Variants in GPC5 observed in about 807,000 individuals in gnomAD.
The protein encoded by GPC5 is glypican 5.
GPC5 carries 47 observed loss-of-function variants against 53.9 expected under a neutral mutation model. The observed-to-expected ratio is 0.87, with a 90% CI of 0.69 to 1.11. The LOEUF is 1.11. Ranked by LOEUF, GPC5 falls within the 50% of genes most tolerant of loss-of-function variation. The pLI is 0.00. For missense variants in GPC5, 748 were observed against 713.1 expected (o/e 1.05, Z -0.56); for synonymous variants, 286 against 263.3 (o/e 1.09, Z -0.84).
intron 7 of GPC5, among the ~76,000 whole-genome samples, chr13:92,482,836 T>C (rs9561069): frequency 0.59 from 89,772 of 151,906 alleles, 27,169 homozygotes; most frequent in East Asian, 0.75. Flanking sequence ...TATGCCATGC[T>C]TAATGATGGG....
rs377457758 is a variant in GPC5 at position 92,516,894 on chromosome 13, G to A, written c.1562-349388G>A. Among the ~76,000 whole-genome samples, 21 of 152,276 alleles carry A rather than the reference G, an allele frequency of 1.4e-4. No individual in the cohort carries two copies. The East Asian group carries it at 3.9e-3, about 28-fold the overall frequency. ...GCAGGGTGAGGCATCACTTCACCTG[G>A]GAAGCACAAGGGGTCAGGGAATTCC... On this transcript the variant is annotated intron_variant, in intron 7 of 7. Transcript: ENST00000377067.
intron 2 of GPC5, among the ~76,000 whole-genome samples, chr13:91,523,696 T>C (rs1885946179): frequency 6.6e-6 from 1 of 152,188 alleles, no homozygotes; most frequent in Admixed American, 6.5e-5. Context: ...TGACATTTGC[T>C]AAGAGAATAA....
chr13:91,890,384 A>G (rs751665990), intron 5 of GPC5, among the ~76,000 whole-genome samples: 105 of 152,124 alleles, frequency 6.9e-4, no homozygotes, highest in Non-Finnish European at 1.0e-3. Flanking sequence ...ATCTTTCCCT[A>G]AAAGTGTCAC....
At chr13:91,648,622 C>A (rs1181454219) in intron 2 of GPC5, among the ~76,000 whole-genome samples, 1 of 152,094 alleles carries the variant, frequency 6.6e-6, no homozygotes. Context: ...TTTTCTATAA[C>A]TCTGGCATCC....
intron 5 of GPC5, among the ~76,000 whole-genome samples, chr13:91,803,977 A>T (rs1389322241): frequency 6.6e-6 from 1 of 152,176 alleles, no homozygotes; most frequent in African/African-American, 2.4e-5. Flanking sequence ...GGGGACAGAG[A>T]CAGAAAATGC....
At chr13:91,946,736 C>A (rs778228279) in intron 6 of GPC5, among the ~76,000 whole-genome samples, 1 of 151,926 alleles carries the variant, frequency 6.6e-6, no homozygotes, top group Non-Finnish European at 1.5e-5. Context: ...AAGTGCCTTT[C>A]GGGGTCCAAA....
chr13:92,301,828 G>T (rs973601532), intron 7 of GPC5, among the ~76,000 whole-genome samples: 2 of 152,130 alleles, frequency 1.3e-5, no homozygotes, highest in South Asian at 2.1e-4. Flanking sequence ...AACCCAGGAG[G>T]CAGAGGTTGC....
rs116633405 is a variant in GPC5 at position 92,159,206 on chromosome 13, A to G, written c.1561+14217A>G. ...CCCTGATTCTCCTTCCAGGTATTAT[A>G]CTTTTATTTTTTTCTGCCAATGGAA... On this transcript the variant is annotated intron_variant, in intron 7 of 7. Transcript: ENST00000377067. Among the ~76,000 whole-genome samples, 740 of 152,220 alleles carry G rather than the reference A, an allele frequency of 4.9e-3. 10 individuals are homozygous for G. Among genetic ancestry groups the G allele is most frequent in the African/African-American group, 0.016 (666 of 41,532 alleles).
At chr13:92,584,919 G>C (rs1249807283) in intron 7 of GPC5, among the ~76,000 whole-genome samples, 2 of 152,118 alleles carry the variant, frequency 1.3e-5, no homozygotes, top group African/African-American at 4.8e-5. Context: ...GCCTGCAGGT[G>C]CACAGAAGTC....
chr13:91,917,889 A>G (rs931012135), intron 6 of GPC5, among the ~76,000 whole-genome samples: 1 of 152,136 alleles, frequency 6.6e-6, no homozygotes, highest in Non-Finnish European at 1.5e-5. Flanking sequence ...TGAGCCCTCC[A>G]AACTGTGTCA....
At chr13:92,654,815 A>G (rs1179640496) in intron 7 of GPC5, among the ~76,000 whole-genome samples, 1 of 152,088 alleles carries the variant, frequency 6.6e-6, no homozygotes, top group Non-Finnish European at 1.5e-5. Context: ...GGGCCCTGTG[A>G]ATGTGACTTT....
chr13:92,692,127 A>T (rs1414927302), intron 7 of GPC5, among the ~76,000 whole-genome samples: 1 of 152,036 alleles, frequency 6.6e-6, no homozygotes, highest in Non-Finnish European at 1.5e-5. Flanking sequence ...AAATTACTGT[A>T]TTTATCTATC....
chr13:92,269,814 T>G (rs1473957313), intron 7 of GPC5, among the ~76,000 whole-genome samples: 2 of 152,196 alleles, frequency 1.3e-5, no homozygotes, highest in African/African-American at 4.8e-5. Context: ...GGTTTTCGTT[T>G]GTTTTGTATT....
At chr13:92,592,024 T>C (rs1286062553) in intron 7 of GPC5, among the ~76,000 whole-genome samples, 1 of 152,204 alleles carries the variant, frequency 6.6e-6, no homozygotes, top group African/African-American at 2.4e-5. Context: ...GATATATCTA[T>C]GTCAAGCAAG....
intron 2 of GPC5, among the ~76,000 whole-genome samples, chr13:91,612,184 C>G (rs1594330196): frequency 6.6e-6 from 1 of 152,086 alleles, no homozygotes; most frequent in African/African-American, 2.4e-5. Context: ...GGGACAAGAC[C>G]ATCTCTTCTT....
intron 7 of GPC5, among the ~76,000 whole-genome samples, chr13:92,290,727 C>T (rs1016810049): frequency 1.3e-5 from 2 of 152,180 alleles, no homozygotes; most frequent in African/African-American, 4.8e-5. Flanking sequence ...AGCGTGCTGG[C>T]AGTCCTCACA....
chr13:91,772,673 G>T (rs184378072), intron 5 of GPC5, among the ~76,000 whole-genome samples: 1 of 152,068 alleles, frequency 6.6e-6, no homozygotes, highest in African/African-American at 2.4e-5. Flanking sequence ...AATGCAATGC[G>T]ACACTCCCGA....
intron 7 of GPC5, among the ~76,000 whole-genome samples, chr13:92,312,725 T>G (rs774911876): frequency 1.3e-5 from 2 of 152,176 alleles, no homozygotes; most frequent in East Asian, 1.9e-4. Context: ...AAAAAAGAAT[T>G]GTCTGTGAGT....
intron 7 of GPC5, among the ~76,000 whole-genome samples, chr13:92,797,205 A>G (rs1021279337): frequency 5.9e-5 from 9 of 151,982 alleles, no homozygotes; most frequent in African/African-American, 2.2e-4. Flanking sequence ...TGTCAAAGCT[A>G]ATAATAATGA....
Sources: allele counts gnomAD v4.1 joint callset (sites outside exome capture counted in the v4.1 genomes callset), GRCh38; gene constraint gnomAD v4.1.1; transcripts MANE v1.5; gene names NCBI Gene and HGNC (gene_info 2026-07-23, HGNC 2026-07-21).